CAMTA1: variants seen among roughly 807,000 people sequenced by gnomAD.
CAMTA1 encodes calmodulin-binding transcription activator 1.
In CAMTA1, 27 loss-of-function variants were observed where a neutral mutation model predicts 170.9. The ratio of observed to expected loss-of-function variants is 0.16; its 90% confidence interval spans 0.12 to 0.22. The LOEUF (loss-of-function observed/expected upper bound fraction) is 0.22. Among genes scored for constraint, CAMTA1 ranks in the 10% least tolerant of loss-of-function variants. CAMTA1 has a pLI of 1.00. For missense variants in CAMTA1, 1,619 were observed against 2,217.2 expected, an observed-to-expected ratio of 0.73 and a Z score of 5.42; for synonymous variants, 833 against 891.5, an observed-to-expected ratio of 0.93 and a Z score of 1.17.
intron 4 of CAMTA1, among the ~76,000 whole-genome samples, chr1:7,183,658 T>C (rs948659488): frequency 1.3e-5 from 2 of 152,136 alleles, no homozygotes; most frequent in African/African-American, 4.8e-5. Flanking sequence ...AGAAAGAGGA[T>C]GGTTTCTATG....
At chr1:7,679,311 G>C (rs1185233641) in intron 11 of CAMTA1, among the ~76,000 whole-genome samples, 2 of 152,200 alleles carry the variant, frequency 1.3e-5, no homozygotes, top group African/African-American at 4.8e-5. Flanking sequence ...ACCACTGTAG[G>C]ACCCTGCCTG....
At chr1:7,514,411 T>C (rs17031045) in intron 6 of CAMTA1, among the ~76,000 whole-genome samples, 1,722 of 152,298 alleles carry the variant, frequency 0.011, 38 homozygotes, top group African/African-American at 0.039. Context: ...GGCATTGACT[T>C]GTTCTGCATT....
intron 6 of CAMTA1, among the ~76,000 whole-genome samples, chr1:7,533,864 C>T (rs548065460): frequency 6.6e-6 from 1 of 152,120 alleles, no homozygotes; most frequent in Admixed American, 6.5e-5. Flanking sequence ...CAGTAAGCCG[C>T]AGTCACACCA....
intron 4 of CAMTA1, among the ~76,000 whole-genome samples, chr1:7,141,820 G>A (rs1645906234): frequency 6.6e-6 from 1 of 152,186 alleles, no homozygotes; most frequent in South Asian, 2.1e-4. Context: ...ACAGGCAATG[G>A]TTACATGACT....
At chr1:7,492,799 G>A (rs111162187) in intron 6 of CAMTA1, among the ~76,000 whole-genome samples, 92,833 of 138,184 alleles carry the variant, frequency 0.67, 31,357 homozygotes, top group African/African-American at 0.84. Context: ...ACAAACCTAC[G>A]TATACACATG....
chr1:6,866,377 C>A lies in CAMTA1; in HGVS notation c.234+41167C>A, dbSNP rs1272759996. 2.0e-5 allele frequency among the ~76,000 whole-genome samples: 3 copies of A among 152,202 alleles called. No homozygotes were observed. The East Asian group carries it at 5.8e-4, about 29-fold the overall frequency. ...AATGTCAACTCCTTGATGATCCAGA[C>A]TGCCCTACAGGAAGCCAGTGGAAAG... On this transcript the variant is annotated intron_variant, in intron 3 of 22. Transcript: ENST00000303635.
At chr1:7,608,407 C>T (rs563460572) in intron 6 of CAMTA1, among the ~76,000 whole-genome samples, 47 of 152,308 alleles carry the variant, frequency 3.1e-4, no homozygotes, top group African/African-American at 1.0e-3. Context: ...GCCAGGGAAC[C>T]CTCCTCTGGA....
At chr1:7,739,578 G>A (rs2096795870) in intron 16 of CAMTA1, among the ~76,000 whole-genome samples, 1 of 152,302 alleles carries the variant, frequency 6.6e-6, no homozygotes, top group South Asian at 2.1e-4. Context: ...CGTGGTTGGG[G>A]AGGCCTCACA....
chr1:6,913,096 AT>A (rs1419009627), intron 3 of CAMTA1, among the ~76,000 whole-genome samples: 1 of 152,178 alleles, frequency 6.6e-6, no homozygotes, highest in East Asian at 1.9e-4. Flanking sequence ...CTCTAAATAA[AT>A]TCCCTAAGTG....
intron 6 of CAMTA1, among the ~76,000 whole-genome samples, chr1:7,528,510 G>A (rs985037995): frequency 2.0e-5 from 3 of 152,148 alleles, no homozygotes; most frequent in Admixed American, 1.3e-4. Context: ...TCCTTTCCAG[G>A]AGCCTGGGTT....
chr1:7,589,580 G>T (rs755055767), intron 6 of CAMTA1, among the ~76,000 whole-genome samples: 1 of 152,142 alleles, frequency 6.6e-6, no homozygotes. Context: ...GGTTGTCTCC[G>T]CTGGCTCCAG....
At chr1:7,659,045 G>C (rs1340543873) in intron 7 of CAMTA1, among the ~76,000 whole-genome samples, 1 of 152,176 alleles carries the variant, frequency 6.6e-6, no homozygotes, top group Non-Finnish European at 1.5e-5. Flanking sequence ...AGAATCCCAG[G>C]CCCCCTGAGA....
chr1:7,480,043 G>A (rs1454777934), intron 6 of CAMTA1, among the ~76,000 whole-genome samples: 1 of 151,752 alleles, frequency 6.6e-6, no homozygotes, highest in African/African-American at 2.4e-5. Context: ...GTATGTCCAT[G>A]TGTGAGTCCG....
intron 1 of CAMTA1, among the ~76,000 whole-genome samples, chr1:6,789,800 G>GT (rs1419267032): frequency 7.9e-6 from 1 of 126,962 alleles, no homozygotes; most frequent in Non-Finnish European, 1.6e-5. Flanking sequence ...ACATTTTAGT[G>GT]TATCTTTTTT....
At chr1:7,594,238 G>GAAGGAAGGAAGGAAGA (rs1336561513) in intron 6 of CAMTA1, among the ~76,000 whole-genome samples, 3 of 147,854 alleles carry the variant, frequency 2.0e-5, no homozygotes, top group African/African-American at 5.1e-5. Flanking sequence ...AGGAAGGAAG[G>GAAGGAAGGAAGGAAGA]AAGAAAGAAA....
At chr1:7,684,388 T>C (rs1383137971) in intron 11 of CAMTA1, among the ~76,000 whole-genome samples, 1 of 152,190 alleles carries the variant, frequency 6.6e-6, no homozygotes, top group Admixed American at 6.5e-5. Context: ...GCCAGACAAA[T>C]GCCCACCAAC....
At chr1:7,460,096 T>C (rs1464968926) in intron 5 of CAMTA1, among the ~76,000 whole-genome samples, 1 of 152,182 alleles carries the variant, frequency 6.6e-6, no homozygotes, top group Non-Finnish European at 1.5e-5. Context: ...TTAGGGGAGA[T>C]TCTGCAGAAC....
At chr1:7,069,545 T>A (rs1638319551) in intron 3 of CAMTA1, among the ~76,000 whole-genome samples, 1 of 152,172 alleles carries the variant, frequency 6.6e-6, no homozygotes. Flanking sequence ...ACAGGTCTTT[T>A]GTCAGCGGAC....
chr1:7,658,543 A>G (rs569434629), intron 7 of CAMTA1, among the ~76,000 whole-genome samples: 15 of 152,216 alleles, frequency 9.9e-5, no homozygotes, highest in African/African-American at 3.1e-4. Context: ...AGAGTCTCAA[A>G]TCCTGCCCTG....
Sources: allele counts gnomAD v4.1 joint callset (sites outside exome capture counted in the v4.1 genomes callset), GRCh38; gene constraint gnomAD v4.1.1; transcripts MANE v1.5; gene names NCBI Gene and HGNC (gene_info 2026-07-23, HGNC 2026-07-21).